Variants in AMPH observed in about 807,000 individuals in gnomAD.
The protein encoded by AMPH is amphiphysin (Stiff-Mann syndrome with breast cancer 128kD autoantigen).
A neutral mutation model predicts 99.1 loss-of-function variants in AMPH; 49 were observed. The observed-to-expected ratio is 0.49, with a 90% CI of 0.39 to 0.63. AMPH has a LOEUF of 0.63. Among genes scored for constraint, AMPH ranks in the 20% least tolerant of loss-of-function variants. AMPH has a pLI of 0.00. For missense variants in AMPH, 759 were observed against 863.4 expected (o/e 0.88, Z 1.52); for synonymous variants, 314 against 317.3 (o/e 0.99, Z 0.11).
intron 11 of AMPH, 37 bp from the exon 12 acceptor site, chr7:38,436,425 AT>A: frequency 6.8e-7 from 1 of 1,463,276 alleles, no homozygotes; most frequent in Non-Finnish European, 9.6e-7. Flanking sequence ...TAAAACATGT[AT>A]TAGCTTGAAT....
chr7:38,520,037 C>T (rs1404331478), intron 2 of AMPH, among the ~76,000 whole-genome samples: 2 of 152,114 alleles, frequency 1.3e-5, no homozygotes, highest in Admixed American at 6.6e-5. Context: ...AAAAAATCAT[C>T]TTGGCTATTA....
At chr7:38,621,374 G>A (rs567742505) in intron 1 of AMPH, among the ~76,000 whole-genome samples, 1 of 152,242 alleles carries the variant, frequency 6.6e-6, no homozygotes, top group Non-Finnish European at 1.5e-5. Flanking sequence ...GGACAGCTCT[G>A]TCAACTGCTA....
At chr7:38,516,268 C>G (rs1435516945) in intron 2 of AMPH, among the ~76,000 whole-genome samples, 1 of 152,146 alleles carries the variant, frequency 6.6e-6, no homozygotes, top group Non-Finnish European at 1.5e-5. Context: ...GCCCTGAGGC[C>G]TAGAAGGAAA....
intron 17 of AMPH, among the ~76,000 whole-genome samples, chr7:38,404,895 G>T (rs898105281): frequency 6.6e-6 from 1 of 151,762 alleles, no homozygotes; most frequent in African/African-American, 2.4e-5. Context: ...ACATCATCAA[G>T]AAATATAATC....
At chr7:38,518,604 TG>T (rs1218023126) in intron 2 of AMPH, among the ~76,000 whole-genome samples, 2 of 152,218 alleles carry the variant, frequency 1.3e-5, no homozygotes, top group African/African-American at 4.8e-5. Context: ...CCCTTTAGAA[TG>T]GGAATGTCTG....
Position 38,556,645 on chromosome 7 carries a change from C to T in AMPH, c.70-21634G>A, listed in dbSNP as rs541635580. ...TCATTCACACCACCCTCCACTCCTG[C>T]ACTCTCTGCCCCCTGCTCTGCTTTA... On this transcript the variant is annotated intron_variant, in intron 1 of 20. Coordinates refer to ENST00000356264, the MANE Select transcript of AMPH (RefSeq NM_001635.4). 2.0e-5 allele frequency among the ~76,000 whole-genome samples: 3 copies of T among 152,350 alleles called. No homozygotes were observed. In the South Asian group the frequency reaches 6.2e-4, roughly 32 times the overall value.
chr7:38,453,916 T>C (rs1252196678), intron 11 of AMPH, among the ~76,000 whole-genome samples: 1 of 152,214 alleles, frequency 6.6e-6, no homozygotes. Context: ...CAGTAGCAAA[T>C]GCAAAGGGAC....
intron 16 of AMPH, among the ~76,000 whole-genome samples, chr7:38,419,141 T>C (rs763339457): frequency 6.6e-6 from 1 of 152,122 alleles, no homozygotes; most frequent in East Asian, 1.9e-4. Context: ...AATGCTGTGA[T>C]TGGAGAAATC....
intron 2 of AMPH, among the ~76,000 whole-genome samples, chr7:38,517,124 T>C (rs1157364281): frequency 6.6e-6 from 1 of 152,190 alleles, no homozygotes; most frequent in Non-Finnish European, 1.5e-5. Flanking sequence ...CTGAAATGAG[T>C]TAAGACTTGG....
At chr7:38,499,277 T>C (rs1789046400) in intron 3 of AMPH, among the ~76,000 whole-genome samples, 1 of 152,182 alleles carries the variant, frequency 6.6e-6, no homozygotes, top group Non-Finnish European at 1.5e-5. Context: ...TAGAACAGTG[T>C]CAGGTGCACA....
intron 12 of AMPH, among the ~76,000 whole-genome samples, chr7:38,432,551 A>G (rs1584083377): frequency 6.6e-6 from 1 of 151,952 alleles, no homozygotes. Context: ...ATGTGAGTAG[A>G]AAACTATATT....
intron 11 of AMPH, among the ~76,000 whole-genome samples, chr7:38,437,215 G>C (rs1786303325): frequency 6.6e-6 from 1 of 152,112 alleles, no homozygotes; most frequent in Non-Finnish European, 1.5e-5. Flanking sequence ...GCATAACCCA[G>C]GCTCAAGTTA....
chr7:38,417,771 G>A (rs558887615), intron 17 of AMPH, 54 bp downstream of exon 17: 251 of 1,603,140 alleles, frequency 1.6e-4, no homozygotes, highest in Non-Finnish European at 2.0e-4. Context: ...GTCATGAGAT[G>A]AGCATGGCTG....
chr7:38,562,030 G>A (rs1791571172), intron 1 of AMPH, among the ~76,000 whole-genome samples: 1 of 151,070 alleles, frequency 6.6e-6, no homozygotes, highest in African/African-American at 2.4e-5. Flanking sequence ...CAAAAACGGT[G>A]GGACTTCAGA....
At chr7:38,422,556 A>ATCTATCTG in intron 15 of AMPH, 79 bp from the exon 16 acceptor site, 1 of 359,896 alleles carries the variant, frequency 2.8e-6, no homozygotes, top group Non-Finnish European at 4.9e-6. Context: ...CTGCCTACGT[A>ATCTATCTG]TCTATCTATC....
chr7:38,488,460 TG>T (rs1788595025), intron 5 of AMPH, among the ~76,000 whole-genome samples: 1 of 118,168 alleles, frequency 8.5e-6, no homozygotes, highest in Admixed American at 1.2e-4. Flanking sequence ...CACTCATAAG[TG>T]GGGGCTGAAC....
At chr7:38,426,673 T>C (rs913822373) in intron 15 of AMPH, among the ~76,000 whole-genome samples, 3 of 152,232 alleles carry the variant, frequency 2.0e-5, no homozygotes, top group Non-Finnish European at 4.4e-5. Context: ...ATGGTATAGC[T>C]AATCATATTA....
At chr7:38,503,426 T>C (rs1039323333) in intron 3 of AMPH, among the ~76,000 whole-genome samples, 1 of 150,388 alleles carries the variant, frequency 6.6e-6, no homozygotes, top group Non-Finnish European at 1.5e-5. Context: ...TTATTTCTAG[T>C]TTCCAGCATA....
intron 1 of AMPH, among the ~76,000 whole-genome samples, chr7:38,587,459 T>C (rs542289946): frequency 2.6e-5 from 4 of 152,334 alleles, no homozygotes; most frequent in Non-Finnish European, 4.4e-5. Context: ...TCTCTGATAT[T>C]TGGATCACAT....
Sources: gnomAD v4.1 joint callset for allele counts (sites outside exome capture counted in the v4.1 genomes callset) on GRCh38, gnomAD v4.1.1 for gene constraint, MANE v1.5 for transcripts, NCBI Gene and HGNC (gene_info 2026-07-23, HGNC 2026-07-21) for gene names.